NRG4: variants seen among roughly 807,000 people sequenced by gnomAD.
The protein encoded by NRG4 is neuregulin 4.
A neutral mutation model predicts 15.0 loss-of-function variants in NRG4; 10 were observed. That is an observed-to-expected ratio of 0.67 (90% CI 0.41 to 1.13). The LOEUF (loss-of-function observed/expected upper bound fraction) is 1.13, where lower values mean the gene tolerates loss of function less well. Ranked by LOEUF, NRG4 falls within the 50% of genes most tolerant of loss-of-function variation. The pLI is 0.00. For synonymous variants in NRG4, 41 were observed against 50.1 expected (o/e 0.82, Z 0.77); for missense variants, 139 against 140.2 (o/e 0.99, Z 0.04).
chr15:75,998,891 TA>T (rs1259514068), intron 3 of NRG4, among the ~76,000 whole-genome samples: 1 of 148,890 alleles, frequency 6.7e-6, no homozygotes, highest in Non-Finnish European at 1.5e-5. Context: ...TAATTTTTTA[TA>T]TTCTTCTGGA....
At chr15:76,056,512 G>A (rs897179673) in intron 2 of NRG4, among the ~76,000 whole-genome samples, 2 of 151,570 alleles carry the variant, frequency 1.3e-5, no homozygotes, top group Non-Finnish European at 1.5e-5. Flanking sequence ...AATAAAAAAC[G>A]ACTTAGATAT....
chr15:75,948,073 C>T (rs984977166), intron 5 of NRG4, among the ~76,000 whole-genome samples: 3 of 152,146 alleles, frequency 2.0e-5, no homozygotes. Context: ...TTACCAGATA[C>T]ATGATTTGTG....
At chr15:75,945,276 T>A (rs756746241) in intron 5 of NRG4, among the ~76,000 whole-genome samples, 5,471 of 151,562 alleles carry the variant, frequency 0.036, 177 homozygotes, top group African/African-American at 0.082. Context: ...TTTATTTTAT[T>A]TTTTTTGTGG....
chr15:75,964,169 G>A (rs375968228), intron 3 of NRG4, among the ~76,000 whole-genome samples: 1,900 of 151,766 alleles, frequency 0.013, 23 homozygotes, highest in Non-Finnish European at 0.02. Context: ...ACACACACAC[G>A]CACCAATAGA....
intron 1 of NRG4, among the ~76,000 whole-genome samples, chr15:76,011,768 C>T (rs909785846): frequency 6.6e-6 from 1 of 152,020 alleles, no homozygotes; most frequent in Non-Finnish European, 1.5e-5. Flanking sequence ...CTGATAGGTG[C>T]GGCAAACCAC....
At chr15:76,042,678 C>T (rs2035772826) in intron 4 of NRG4, among the ~76,000 whole-genome samples, 1 of 152,058 alleles carries the variant, frequency 6.6e-6, no homozygotes, top group Non-Finnish European at 1.5e-5. Context: ...AGTCTCCCAA[C>T]AAAGGAAAGC....
chr15:76,033,483 A>ATATT (rs1019037509), intron 5 of NRG4, among the ~76,000 whole-genome samples: 1 of 152,194 alleles, frequency 6.6e-6, no homozygotes, highest in East Asian at 1.9e-4. Context: ...AATGTACCTG[A>ATATT]TATTGTAGCA....
intron 3 of NRG4, among the ~76,000 whole-genome samples, chr15:75,966,065 T>C (rs950971285): frequency 1.3e-5 from 2 of 152,230 alleles, no homozygotes; most frequent in African/African-American, 2.4e-5. Flanking sequence ...TGAGAAATTC[T>C]GAAATTCAGA....
chr15:75,954,553 C>A (rs1354495782), intron 5 of NRG4, among the ~76,000 whole-genome samples: 1 of 151,654 alleles, frequency 6.6e-6, no homozygotes, highest in African/African-American at 2.4e-5. Flanking sequence ...CCTCAGCCTC[C>A]CGAGTAGCTG....
chr15:75,981,826 T>C (rs983747818), intron 3 of NRG4, among the ~76,000 whole-genome samples: 3 of 152,144 alleles, frequency 2.0e-5, no homozygotes, highest in Non-Finnish European at 4.4e-5. Flanking sequence ...ATGGATAATA[T>C]GTTTTAAAAT....
downstream of NRG4, chr15:75,935,816 C>G (rs2030283947): frequency 6.6e-6 from 1 of 151,832 alleles, no homozygotes; most frequent in Non-Finnish European, 1.5e-5. Flanking sequence ...GAGACGGAGT[C>G]CCGCTCTTTA....
chr15:75,956,121 T>C (rs2032226310), intron 4 of NRG4, 110 bp from the exon 5 acceptor site: 5 of 651,652 alleles, frequency 7.7e-6, no homozygotes, highest in Non-Finnish European at 1.4e-5. Flanking sequence ...TCCCCCTTTT[T>C]ACAACACATC....
intron 5 of NRG4, among the ~76,000 whole-genome samples, chr15:76,028,905 A>G (rs2460812): frequency 4.0e-4 from 56 of 139,556 alleles, no homozygotes; most frequent in African/African-American, 1.4e-3. Context: ...TCCTCCTCCA[A>G]AAAAAAAAAA....
At chr15:76,033,697 C>T (rs1028356928) in intron 5 of NRG4, among the ~76,000 whole-genome samples, 3 of 152,116 alleles carry the variant, frequency 2.0e-5, no homozygotes, top group African/African-American at 7.2e-5. Context: ...AATGTGTTAA[C>T]TTTTTGTACT....
At chr15:75,944,928 A>G (rs1349862710) in intron 5 of NRG4, among the ~76,000 whole-genome samples, 1 of 151,566 alleles carries the variant, frequency 6.6e-6, no homozygotes, top group Non-Finnish European at 1.5e-5. Flanking sequence ...ACAAAAAAAC[A>G]ACAGTAATTT....
intron 5 of NRG4, among the ~76,000 whole-genome samples, chr15:76,023,130 C>CCACACACACACACACACACA (rs10572540): frequency 8.3e-6 from 1 of 120,104 alleles, no homozygotes; most frequent in African/African-American, 3.0e-5. Flanking sequence ...CACCCATACT[C>CCACACACACACACACACACA]CACACACACA....
At chr15:76,047,455 A>C (rs2035897410) in intron 4 of NRG4, among the ~76,000 whole-genome samples, 2 of 151,000 alleles carry the variant, frequency 1.3e-5, no homozygotes, top group African/African-American at 4.9e-5. Context: ...AAAGAATAAA[A>C]TCCCGTCATT....
downstream of NRG4, chr15:75,937,232 G>T (rs973778285): frequency 6.6e-6 from 1 of 151,178 alleles, no homozygotes; most frequent in African/African-American, 2.4e-5. Flanking sequence ...AAAAGAGGCC[G>T]GGCGTGGTGG....
intron 3 of NRG4, among the ~76,000 whole-genome samples, chr15:76,007,326 GGGCAAA>G (rs1389582474): frequency 6.6e-6 from 1 of 151,968 alleles, no homozygotes; most frequent in African/African-American, 2.4e-5. Context: ...TTTGACAAAG[GGGCAAA>G]GGCAATTCAA....
Sources: allele counts gnomAD v4.1 joint callset (sites outside exome capture counted in the v4.1 genomes callset), GRCh38; gene constraint gnomAD v4.1.1; transcripts MANE v1.5; gene names NCBI Gene and HGNC (gene_info 2026-07-23, HGNC 2026-07-21).